The following PLXNA4 variants were observed in gnomAD, a reference collection of about 807,000 sequenced individuals.
The protein encoded by PLXNA4 is plexin-A4.
Under a neutral mutation model 191.8 loss-of-function variants are expected in PLXNA4, and 44 were observed. The ratio of observed to expected loss-of-function variants is 0.23; its 90% confidence interval spans 0.18 to 0.29. The LOEUF (loss-of-function observed/expected upper bound fraction) is 0.29. Ranked by LOEUF, PLXNA4 falls within the 10% of genes least tolerant of loss-of-function variation. The probability of loss-of-function intolerance (pLI) is 1.00; values close to 1 mark genes in which losing one functional copy is unlikely to be tolerated. For missense variants in PLXNA4, 1,800 were observed against 2,488.8 expected (o/e 0.72, Z 5.89); for synonymous variants, 1,082 against 1,009.5 (o/e 1.07, Z -1.36).
chr7:132,434,332 C>G (rs944058964), intron 3 of PLXNA4, among the ~76,000 whole-genome samples: 4 of 152,158 alleles, frequency 2.6e-5, no homozygotes, highest in Admixed American at 6.5e-5. Flanking sequence ...GCCCAGCTCA[C>G]CTTATCCATC....
rs1795889377 is a variant in PLXNA4 at position 132,159,618 on chromosome 7, G to A, written c.4515C>T (p.Val1505=). Residue 1505 remains valine, a synonymous_variant, in exon 25 of 32, where the codon GTC becomes GTT. Transcript: ENST00000321063. ...IDYKTLVLSC[V]SPDNANSPEV... ...CGGGGCTGTTGGCATTGTCTGGGCTGACACAGCTCAGGACCTGAAGGAAAG... is the reference window on the plus strand; with the variant it reads ...CGGGGCTGTTGGCATTGTCTGGGCTAACACAGCTCAGGACCTGAAGGAAAG... 1 of 1,613,972 alleles carries A rather than the reference G, an allele frequency of 6.2e-7. No homozygotes were observed. Among genetic ancestry groups the A allele is most frequent in the Admixed American group, 1.7e-5 (1 of 59,998 alleles).
chr7:132,135,974 G>T (rs757715008), intron 30 of PLXNA4, among the ~76,000 whole-genome samples: 1 of 152,154 alleles, frequency 6.6e-6, no homozygotes, highest in African/African-American at 2.4e-5. Flanking sequence ...AATGGCCACC[G>T]ACAGCCCAGT....
chr7:132,145,498 A>G (rs1346465295), intron 28 of PLXNA4: 2 of 650,590 alleles, frequency 3.1e-6, no homozygotes, highest in Admixed American at 6.3e-5. Context: ...GAAAAGAGAT[A>G]TAACACTGAT....
chr7:132,216,081 C>T (rs146142291), intron 9 of PLXNA4, among the ~76,000 whole-genome samples: 1 of 152,188 alleles, frequency 6.6e-6, no homozygotes, highest in Non-Finnish European at 1.5e-5. Context: ...GGGACTCAGC[C>T]CTTTAACTTG....
chr7:132,501,453 C>T (rs889513677), intron 2 of PLXNA4, among the ~76,000 whole-genome samples: 2 of 152,156 alleles, frequency 1.3e-5, no homozygotes, highest in African/African-American at 2.4e-5. Flanking sequence ...TAAAATTCAG[C>T]CTGTGTGACT....
intron 3 of PLXNA4, among the ~76,000 whole-genome samples, chr7:132,362,809 G>A (rs962046802): frequency 1.1e-4 from 16 of 152,032 alleles, no homozygotes; most frequent in Admixed American, 9.8e-4. Flanking sequence ...GAAAACTAAT[G>A]TACATATATG....
At chr7:132,507,098 G>A (rs147341609) in intron 2 of PLXNA4, among the ~76,000 whole-genome samples, 185 of 152,220 alleles carry the variant, frequency 1.2e-3, no homozygotes, top group African/African-American at 4.0e-3. Flanking sequence ...TAAGCTCCCA[G>A]GAAAGTTATT....
chr7:132,605,499 T>G (rs1225089854), intron 2 of PLXNA4, among the ~76,000 whole-genome samples: 2 of 152,010 alleles, frequency 1.3e-5, no homozygotes, highest in African/African-American at 4.8e-5. Flanking sequence ...CTTGGAAGCA[T>G]GATGGTGCTT....
intron 1 of PLXNA4, among the ~76,000 whole-genome samples, chr7:132,557,022 T>C (rs956686439): frequency 3.9e-5 from 6 of 152,168 alleles, no homozygotes; most frequent in African/African-American, 9.7e-5. Context: ...AAGTACCAGG[T>C]GGCAGAAGTT....
intron 5 of PLXNA4, among the ~76,000 whole-genome samples, chr7:132,239,278 G>T (rs1798801760): frequency 6.6e-6 from 1 of 152,166 alleles, no homozygotes. Context: ...GCAGCCCTGG[G>T]GGTGGGAGGT....
intron 25 of PLXNA4, among the ~76,000 whole-genome samples, chr7:132,156,135 T>TACACACACACACACACACACACACACAC (rs57153762): frequency 7.5e-6 from 1 of 133,006 alleles, no homozygotes; most frequent in African/African-American, 2.9e-5. Context: ...TTTCTGGACA[T>TACACACACACACACACACACACACACAC]ACACACACAC....
At chr7:132,485,224 G>A (rs1030068478) in intron 3 of PLXNA4, among the ~76,000 whole-genome samples, 3 of 152,210 alleles carry the variant, frequency 2.0e-5, no homozygotes, top group Non-Finnish European at 4.4e-5. Context: ...TCCCGCAACA[G>A]GCTAATAGCA....
At chr7:132,497,235 A>G (rs926817146) in intron 2 of PLXNA4, among the ~76,000 whole-genome samples, 47 of 152,086 alleles carry the variant, frequency 3.1e-4, no homozygotes, top group African/African-American at 1.0e-3. Flanking sequence ...TTAAAGGGAG[A>G]TATTGATCAG....
At chr7:132,545,225 C>T (rs1450622199) in intron 1 of PLXNA4, among the ~76,000 whole-genome samples, 5 of 152,218 alleles carry the variant, frequency 3.3e-5, no homozygotes, top group Non-Finnish European at 4.4e-5. Flanking sequence ...TTACCTCCTG[C>T]AGTTACTTCA....
At chr7:132,391,634 G>T (rs1003370817) in intron 3 of PLXNA4, among the ~76,000 whole-genome samples, 11 of 152,174 alleles carry the variant, frequency 7.2e-5, no homozygotes, top group Admixed American at 5.9e-4. Context: ...ACCCAGCAGG[G>T]GTGGACAGTG....
chr7:132,132,483 C>CTTTCTTTTCTAT, intron 31 of PLXNA4, among the ~76,000 whole-genome samples: 1 of 80,846 alleles, frequency 1.2e-5, no homozygotes, highest in Admixed American at 1.4e-4. Context: ...CTCTGCTCTG[C>CTTTCTTTTCTAT]TCTGCTCTAT....
intron 3 of PLXNA4, among the ~76,000 whole-genome samples, chr7:132,357,277 G>T (rs899951490): frequency 6.6e-6 from 1 of 152,192 alleles, no homozygotes; most frequent in African/African-American, 2.4e-5. Flanking sequence ...TCAGCTGAGA[G>T]CGTGGAACAC....
chr7:132,626,602 T>C (rs867377220), intron 2 of PLXNA4, among the ~76,000 whole-genome samples: 10 of 152,222 alleles, frequency 6.6e-5, no homozygotes, highest in African/African-American at 2.4e-4. Flanking sequence ...GGCCATGTAA[T>C]GTGCCTGCTT....
intron 3 of PLXNA4, among the ~76,000 whole-genome samples, chr7:132,422,028 C>T (rs1794868470): frequency 6.6e-6 from 1 of 152,328 alleles, no homozygotes; most frequent in African/African-American, 2.4e-5. Flanking sequence ...CTGAGCCTTT[C>T]ACAGGGAAGT....
Sources: allele counts gnomAD v4.1 joint callset (sites outside exome capture counted in the v4.1 genomes callset), GRCh38; gene constraint gnomAD v4.1.1; transcripts MANE v1.5; gene names NCBI Gene and HGNC (gene_info 2026-07-23, HGNC 2026-07-21).